The following BRCA2 variants were observed in gnomAD, a reference collection of about 807,000 sequenced individuals.
The protein encoded by BRCA2 is breast cancer type 2 susceptibility protein.
Under a neutral mutation model 276.7 loss-of-function variants are expected in BRCA2, and 203 were observed. That is an observed-to-expected ratio of 0.73 (90% CI 0.65 to 0.82). The LOEUF is 0.82. BRCA2 is among the 40% of genes least tolerant of loss of function. The pLI is 0.00. For missense variants in BRCA2, 3,920 were observed against 3,915.0 expected (o/e 1.00, Z -0.03); for synonymous variants, 1,289 against 1,338.4 (o/e 0.96, Z 0.81).
intron 12 of BRCA2, among the ~76,000 whole-genome samples, 178 bp from the exon 13 acceptor site, chr13:32,346,649 A>G (rs1366971769): frequency 6.6e-6 from 1 of 152,106 alleles, no homozygotes; most frequent in Non-Finnish European, 1.5e-5. Context: ...TATTTGGTGC[A>G]TAGTCATTAT....
rs1555286843 is a variant in BRCA2, at chr13:32,362,598, C to A, written c.7881C>A (p.Ile2627=). 1 of 1,614,062 alleles carries A rather than the reference C, an allele frequency of 6.2e-7. No individual in the cohort carries two copies. The highest frequency in any genetic ancestry group is 1.1e-5 in the South Asian group (1 of 91,080). ...RIWVYNHYRW[I]IWKLAAMECA... ...GGGTTTATAATCACTATAGATGGAT[C>A]ATATGGAAACTGGCAGCTATGGAAT... The change falls in exon 17 of 27, where the codon ATC becomes ATA. Residue 2627 remains isoleucine, a synonymous_variant. Transcript: ENST00000380152.
At chr13:32,375,269 T>C (rs750188258) in intron 20 of BRCA2, 1 of 352,386 alleles carries the variant, frequency 2.8e-6, no homozygotes, top group Non-Finnish European at 5.6e-6. Flanking sequence ...TATTGTGACA[T>C]TGCAGTAATT....
At chr13:32,355,715 A>G (rs2072688475) in intron 14 of BRCA2, among the ~76,000 whole-genome samples, 1 of 151,714 alleles carries the variant, frequency 6.6e-6, no homozygotes, top group Non-Finnish European at 1.5e-5. Context: ...TACAAAATAA[A>G]TAAATAAATA....
rs2137487862 is a variant in BRCA2 at position 32,336,931 on chromosome 13, TA to T, written c.2578del (p.Ile860SerfsTer14). The T allele has an allele frequency of 6.3e-7, 1 of 1,595,398 alleles. No individual in the cohort carries two copies. The highest frequency in any genetic ancestry group is 8.5e-7 in the Non-Finnish European group (1 of 1,175,360). ...TTCAACCAAAACACAAATCTAAGAG[TA>T]ATCCAAAAAAATCAAGAAGAAACTA... is the stretch of plus-strand genomic sequence containing the variant. ...VQFNQNTNLR[V>X]IQKNQEETTS... is the part of the protein sequence containing the mutation. On this transcript the variant is annotated frameshift_variant, in exon 11 of 27. Transcript: ENST00000380152. LOFTEE classifies it high-confidence loss of function.
At chr13:32,374,233 C>A (rs1198945696) in intron 20 of BRCA2, among the ~76,000 whole-genome samples, 1 of 152,262 alleles carries the variant, frequency 6.6e-6, no homozygotes, top group Non-Finnish European at 1.5e-5. Flanking sequence ...CTGTGGAGAT[C>A]TCTGACATGC....
chr13:32,388,899 G>C (rs1026414936), intron 24 of BRCA2, among the ~76,000 whole-genome samples: 1 of 152,036 alleles, frequency 6.6e-6, no homozygotes, highest in Non-Finnish European at 1.5e-5. Flanking sequence ...TTACAATGAA[G>C]GTAATTATTG....
chr13:32,369,100 G>A (rs1402689193), intron 18 of BRCA2, among the ~76,000 whole-genome samples: 6 of 152,086 alleles, frequency 3.9e-5, no homozygotes, highest in African/African-American at 1.2e-4. Context: ...GAGCCACAGC[G>A]CCCGGCCCAG....
At chr13:32,322,581 T>C (rs2072313443) in intron 3 of BRCA2, among the ~76,000 whole-genome samples, 1 of 152,230 alleles carries the variant, frequency 6.6e-6, no homozygotes, top group Non-Finnish European at 1.5e-5. Context: ...TAAGCGGTTT[T>C]CTGCCCCGGG....
chr13:32,336,182 C>A (rs2137481264), intron 10 of BRCA2, 83 bp from the exon 11 acceptor site: 2 of 1,451,260 alleles, frequency 1.4e-6, no homozygotes, highest in East Asian at 2.3e-5. Flanking sequence ...TGCCCAAACA[C>A]TACCTTTTTA....
At chr13:32,383,878 G>T (rs1051897656) in intron 24 of BRCA2, among the ~76,000 whole-genome samples, 1 of 152,222 alleles carries the variant, frequency 6.6e-6, no homozygotes, top group Middle Eastern at 3.4e-3. Flanking sequence ...AAAGTCTTGG[G>T]TATGTCCATT....
Position 32,371,079 on chromosome 13 carries a change from G to A in BRCA2, c.8611G>A (p.Glu2871Lys), listed in dbSNP as rs587782860. The A allele has an allele frequency of 6.2e-7, 1 of 1,614,044 alleles. No individual in the cohort carries two copies. Among genetic ancestry groups the A allele is most frequent in the Non-Finnish European group, 8.5e-7 (1 of 1,179,938 alleles). Residue 2871 changes from glutamate (E) to lysine (K), a missense_variant, in exon 20 of 27, where the codon GAG becomes AAG. By Grantham distance (56) the Glu-to-Lys change is moderately conservative. Coordinates refer to ENST00000380152, the MANE Select transcript of BRCA2 (RefSeq NM_000059.4). The part of the protein sequence containing the change: ...RLEALFTKIQ[E>K]EFEEHEENTT... Reference sequence around the variant, plus strand: ...AGAAGCCTTATTCACTAAAATTCAGGAGGAATTTGAAGAACATGAAGGTAA... The same window carrying A: ...AGAAGCCTTATTCACTAAAATTCAGAAGGAATTTGAAGAACATGAAGGTAA...
Position 32,387,470 on chromosome 13 carries a change from C to T in BRCA2, c.9257-7219C>T, listed in dbSNP as rs555435557. Among the ~76,000 whole-genome samples the T allele has an allele frequency of 1.6e-4, 25 of 152,266 alleles. No individual in the cohort carries two copies. In the South Asian group the frequency reaches 3.9e-3, roughly 24 times the overall value. ...GCCACTTGAGGGCTCCTTGGTCAAGCGGTAACGGCAGTGTCTGGGAAGACA... is the reference window on the plus strand; with the variant it reads ...GCCACTTGAGGGCTCCTTGGTCAAGTGGTAACGGCAGTGTCTGGGAAGACA... On this transcript the variant is annotated intron_variant, in intron 24 of 26. Coordinates refer to ENST00000380152, the MANE Select transcript of BRCA2 (RefSeq NM_000059.4).
chr13:32,358,053 T>C, intron 16 of BRCA2, 124 bp downstream of exon 16: 1 of 1,001,534 alleles, frequency 1.0e-6, no homozygotes, highest in Admixed American at 2.0e-5. Flanking sequence ...TTAATTGTTT[T>C]AAGTGCATTA....
At position 32,394,946 on chromosome 13, in the gene BRCA2, T is replaced by C. The variant is rs1060504599; in HGVS notation, c.9501+13T>C. ...AAATACTGTTGAGGTAAGGTTACTT[T>C]TCAGCATCACCACACATTTTGGTAT... On this transcript the variant is annotated intron_variant, in intron 25 of 26. Transcript: ENST00000380152. 1.9e-6 allele frequency: 3 copies of C among 1,613,730 alleles called. No homozygotes were observed. The African/African-American group carries it at 4.0e-5, about 22-fold the overall frequency.
Position 32,340,329 on chromosome 13 carries a change from T to TCA in BRCA2, c.5975_5976dup (p.Leu1993HisfsTer12). 6.2e-7 allele frequency: 1 copy of TCA among 1,614,024 alleles called. No homozygotes were observed. The highest frequency in any genetic ancestry group is 2.2e-5 in the East Asian group (1 of 44,850). On this transcript the variant is annotated frameshift_variant, in exon 11 of 27. Transcript: ENST00000380152. LOFTEE classifies it high-confidence loss of function. ...AAAATCTGTCCAGGTATCAGATGCTTCATTACAAAACGCAAGACAAGTGTT... is the reference window on the plus strand; with the variant it reads ...AAAATCTGTCCAGGTATCAGATGCTTCACATTACAAAACGCAAGACAAGTGTT...
In BRCA2 at chr13:32,337,665, A is replaced by C. The variant is rs80358577; in HGVS notation, c.3310A>C (p.Thr1104Pro). ...KQDFNSNHNL[T>P]PSQKAEITEL... is the part of the protein sequence containing the mutation. ...GGATTTTAATTCAAACCATAATTTA[A>C]CACCTAGCCAAAAGGCAGAAATTAC... The change falls in exon 11 of 27, where the codon ACA (threonine) becomes CCA (proline). Residue 1104 changes from threonine (T) to proline (P), a missense_variant. By Grantham distance (38) the Thr-to-Pro change is conservative. Transcript: ENST00000380152. 6.9e-6 allele frequency: 11 copies of C among 1,595,326 alleles called. No homozygotes were observed. The highest frequency in any genetic ancestry group is 8.5e-6 in the Non-Finnish European group (10 of 1,171,802).
At chr13:32,357,623 C>G (rs569341325) in intron 15 of BRCA2, 119 bp from the exon 16 acceptor site, 48 of 946,270 alleles carry the variant, frequency 5.1e-5, no homozygotes, top group Non-Finnish European at 6.5e-5. Context: ...AGTGAAGATT[C>G]TAGTAGTTAA....
At chr13:32,347,372 A>T (rs1480649956) in intron 13 of BRCA2, among the ~76,000 whole-genome samples, 1 of 152,216 alleles carries the variant, frequency 6.6e-6, no homozygotes, top group Non-Finnish European at 1.5e-5. Context: ...GAGCAAACAG[A>T]GATGCTTTCC....
chr13:32,351,324 A>G (rs943199807), intron 13 of BRCA2, among the ~76,000 whole-genome samples: 13 of 152,034 alleles, frequency 8.6e-5, no homozygotes, highest in African/African-American at 3.1e-4. Flanking sequence ...GAGCTGTAAC[A>G]CTCACTGGGA....
Sources: allele counts gnomAD v4.1 joint callset (sites outside exome capture counted in the v4.1 genomes callset), GRCh38; gene constraint gnomAD v4.1.1; transcripts MANE v1.5; gene names NCBI Gene and HGNC (gene_info 2026-07-23, HGNC 2026-07-21).